The following ENAM variants were observed in gnomAD, a reference collection of about 807,000 sequenced individuals.
ENAM encodes amelogenesis imperfecta 2, hypocalcification (autosomal dominant).
In ENAM, 21 loss-of-function variants were observed where a neutral mutation model predicts 33.6. The observed-to-expected ratio is 0.63, with a 90% CI of 0.44 to 0.90. ENAM has a LOEUF of 0.90. Among genes scored for constraint, ENAM ranks in the 40% least tolerant of loss-of-function variants. ENAM has a pLI of 0.00. For missense variants in ENAM, 1,388 were observed against 1,366.9 expected (o/e 1.02, Z -0.24); for synonymous variants, 473 against 468.4 (o/e 1.01, Z -0.13).
intron 8 of ENAM, among the ~76,000 whole-genome samples, chr4:70,639,664 A>G (rs1738551089): frequency 6.6e-6 from 1 of 152,240 alleles, no homozygotes; most frequent in Admixed American, 6.5e-5. Flanking sequence ...ACACTTTGGG[A>G]GGCTGAGACA....
chr4:70,636,756 G>A (rs1371636144), intron 7 of ENAM, among the ~76,000 whole-genome samples: 6 of 149,496 alleles, frequency 4.0e-5, no homozygotes, highest in Admixed American at 6.6e-5. Context: ...GTGACAGAGC[G>A]AGACTCCGTC....
chr4:70,631,792 G>T, intron 3 of ENAM, 54 bp downstream of exon 3: 1 of 1,607,308 alleles, frequency 6.2e-7, no homozygotes, highest in Non-Finnish European at 8.5e-7. Context: ...AGGAACAATT[G>T]TTGAGCTTAT....
Position 70,642,138 on chromosome 4 carries a change from C to A in ENAM, c.712C>A (p.Pro238Thr), listed in dbSNP as rs868383509. 1 of 1,613,956 alleles carries A rather than the reference C, an allele frequency of 6.2e-7. No homozygotes were observed. The highest frequency in any genetic ancestry group is 1.3e-5 in the African/African-American group (1 of 74,912). Residue 238 changes from proline to threonine, a missense_variant, in exon 9 of 9, where the codon CCA (proline) becomes ACA (threonine). By Grantham distance (38) the Pro-to-Thr change is conservative (BLOSUM62 -1). Coordinates refer to ENST00000396073, the MANE Select transcript of ENAM (RefSeq NM_031889.3). Reference sequence around the variant, plus strand: ...AGAAGATCCTCCTAAAGCAGAAAGTCCAGGCACAGAACCCACAGCTAATTC... The same window carrying A: ...AGAAGATCCTCCTAAAGCAGAAAGTACAGGCACAGAACCCACAGCTAATTC... Reference protein sequence around the residue: ...KEEDPPKAESPGTEPTANSTV... With the variant: ...KEEDPPKAESTGTEPTANSTV...
chr4:70,637,933 C>A, intron 8 of ENAM, 90 bp downstream of exon 8: 1 of 987,766 alleles, frequency 1.0e-6, no homozygotes, highest in South Asian at 1.3e-5. Flanking sequence ...AAGTTAAAAT[C>A]CAACACATGA....
chr4:70,637,827 G>A lies in ENAM; in HGVS notation c.572G>A (p.Ser191Asn), dbSNP rs1738494702. The A allele has an allele frequency of 6.2e-7, 1 of 1,613,004 alleles. No homozygotes were observed. Among genetic ancestry groups the A allele is most frequent in the Non-Finnish European group, 8.5e-7 (1 of 1,179,128 alleles). ...PPPGYGRPPI[S>N]NEEGGNPYFG... Reference sequence around the variant, plus strand: ...CCAGGTTATGGACGCCCACCAATCAGCAATGAAGAAGGGGGGGTAAGTACA... The same window carrying A: ...CCAGGTTATGGACGCCCACCAATCAACAATGAAGAAGGGGGGGTAAGTACA... The change falls in exon 8 of 9, where the codon AGC (serine) becomes AAC (asparagine). Residue 191 changes from serine to asparagine, a missense_variant. Coordinates refer to ENST00000396073, the MANE Select transcript of ENAM (RefSeq NM_031889.3).
chr4:70,631,865 T>A lies in ENAM; in HGVS notation c.140T>A (p.Met47Lys). The change falls in exon 4 of 9, where the codon ATG becomes AAG. Residue 47 changes from methionine to lysine, a missense_variant. Physicochemically the swap from Met to Lys is moderately conservative, Grantham distance 95. Coordinates refer to ENST00000396073, the MANE Select transcript of ENAM (RefSeq NM_031889.3). The part of the protein sequence containing the change: ...SVAMPMHMPR[M>K]PGFSSKSEEM... ...TACTTCCAGATGCACATGCCCCGAA[T>A]GCCTGGATTTAGCAGTAAAAGTGAG... 1 of 1,614,114 alleles carries A rather than the reference T, an allele frequency of 6.2e-7. No homozygotes were observed. Among genetic ancestry groups the A allele is most frequent in the Non-Finnish European group, 8.5e-7 (1 of 1,179,964 alleles).
intron 6 of ENAM, among the ~76,000 whole-genome samples, chr4:70,634,795 A>G (rs1039992995): frequency 6.6e-6 from 1 of 152,256 alleles, no homozygotes; most frequent in Non-Finnish European, 1.5e-5. Flanking sequence ...CAGAGACAAC[A>G]TGGTGTAATA....
intron 4 of ENAM, 35 bp from the exon 5 acceptor site, chr4:70,632,616 C>A (rs768479417): frequency 6.7e-7 from 1 of 1,493,080 alleles, no homozygotes. Flanking sequence ...AAAAGTTTCA[C>A]TTTGTATCAC....
rs1738408151 is a variant in ENAM at position 70,634,698 on chromosome 4, T to C, written c.471+130T>C. On this transcript the variant is annotated intron_variant, in intron 6 of 8. Transcript: ENST00000396073. ...ATACCAATGTTTGTTTTGACATGCATCCAAAACTGCATGGCAAGTCGACTC... is the reference window on the plus strand; with the variant it reads ...ATACCAATGTTTGTTTTGACATGCACCCAAAACTGCATGGCAAGTCGACTC... 3 of 917,940 alleles carry C rather than the reference T, an allele frequency of 3.3e-6. 1 individual carries two copies. The highest frequency in any genetic ancestry group is 5.3e-6 in the Non-Finnish European group (3 of 564,526). The allele number at this position is 917,940 out of a possible 1,614,324, so 56.9% of individuals were successfully genotyped here. A position where few individuals can be genotyped will look rare whatever the true frequency, so the allele number is the denominator to read the frequency against.
intron 7 of ENAM, among the ~76,000 whole-genome samples, chr4:70,636,462 C>T (rs558068927): frequency 1.3e-5 from 2 of 152,032 alleles, no homozygotes; most frequent in Admixed American, 6.6e-5. Flanking sequence ...GGTGAAATCC[C>T]GTCTCTACTA....
At position 70,635,858 on chromosome 4, in the gene ENAM, A is replaced by G; in HGVS notation, c.498A>G (p.Leu166=). The change falls in exon 7 of 9, where the codon CTA becomes CTG. Residue 166 remains leucine, a synonymous_variant. Coordinates refer to ENST00000396073, the MANE Select transcript of ENAM (RefSeq NM_031889.3). ...CATTCCCACCATTTGGAAATGGGCTATTCCCCTATCAACAACCACCATGGC... is the reference window on the plus strand; with the variant it reads ...CATTCCCACCATTTGGAAATGGGCTGTTCCCCTATCAACAACCACCATGGC... ...PQAFPPFGNG[L]FPYQQPPWQI... The G allele has an allele frequency of 6.2e-7, 1 of 1,609,222 alleles. No homozygotes were observed.
chr4:70,637,717 C>T (rs1414205310), intron 7 of ENAM, 73 bp from the exon 8 acceptor site: 4 of 1,139,808 alleles, frequency 3.5e-6, no homozygotes, highest in Middle Eastern at 1.9e-4. Context: ...TTTTAGACAC[C>T]CTGAGTCTTA....
At position 70,635,907 on chromosome 4, in the gene ENAM, T is replaced by A. The variant is rs750422355; in HGVS notation, c.534+13T>A. The A allele has an allele frequency of 6.5e-7, 1 of 1,529,264 alleles. No homozygotes were observed. The allele number at this position is 1,529,264 out of a possible 1,614,324, so 94.7% of individuals were successfully genotyped here. ...GCAAATTCCACAGGTGAGAAATTTT[T>A]TTTTCTTTACACTGTAAGTGAAAAA... On this transcript the variant is annotated intron_variant, in intron 7 of 8. Transcript: ENST00000396073.
chr4:70,641,349 T>TTTTC (rs1451588654), intron 8 of ENAM, among the ~76,000 whole-genome samples: 1 of 151,926 alleles, frequency 6.6e-6, no homozygotes. Context: ...TAGAATTCTT[T>TTTTC]TTTCTTTCTT....
chr4:70,629,321 T>C, intron 1 of ENAM, 120 bp from the exon 2 acceptor site: 1 of 625,626 alleles, frequency 1.6e-6, no homozygotes, highest in Admixed American at 2.8e-5. Flanking sequence ...AAGATTAAAC[T>C]TGATTTTGTG....
At chr4:70,639,984 A>G (rs1167145700) in intron 8 of ENAM, among the ~76,000 whole-genome samples, 1 of 152,212 alleles carries the variant, frequency 6.6e-6, no homozygotes, top group Non-Finnish European at 1.5e-5. Context: ...TCTCATCTCC[A>G]TCCACAAATG....
At position 70,632,674 on chromosome 4, in the gene ENAM, C is replaced by A. The variant is rs745570579; in HGVS notation, c.192C>A (p.Asn64Lys). ...AGATGATGCGGTATAATCAATTCAA[C>A]TTTATGAACGGCCCACATGTAAGTT... ...SEEMMRYNQF[N>K]FMNGPHMAHL... The change falls in exon 5 of 9, where the codon AAC (asparagine) becomes AAA (lysine). Residue 64 changes from asparagine to lysine, a missense_variant. Transcript: ENST00000396073. 28 of 1,603,890 alleles carry A rather than the reference C, an allele frequency of 1.7e-5. No homozygotes were observed. The highest frequency in any genetic ancestry group is 2.0e-5 in the Non-Finnish European group (24 of 1,171,044).
At position 70,644,787 on chromosome 4, in the gene ENAM, T is replaced by A. The variant is rs541159378; in HGVS notation, c.3361T>A (p.Phe1121Ile). The change falls in exon 9 of 9, where the codon TTT (phenylalanine) becomes ATT (isoleucine). Residue 1121 changes from phenylalanine (F) to isoleucine (I), a missense_variant. By Grantham distance (21) the Phe-to-Ile change is conservative. Coordinates refer to ENST00000396073, the MANE Select transcript of ENAM (RefSeq NM_031889.3). ...ACTTGATGCAGATGAACACAGTCCA[T>A]TTGAATTCCTTCAAAGAGGGACCAA... ...DPLDADEHSP[F>I]EFLQRGTNVQ... The A allele has an allele frequency of 6.2e-7, 1 of 1,614,126 alleles. No homozygotes were observed. Among genetic ancestry groups the A allele is most frequent in the African/African-American group, 1.3e-5 (1 of 75,044 alleles).
In ENAM at chr4:70,642,751, G is replaced by C; in HGVS notation, c.1325G>C (p.Gly442Ala). ...KIQNPKEKPL[G>A]PKEQIIVPTK... ...CAAAATCCAAAGGAGAAGCCCCTGG[G>C]TCCAAAAGAACAAATAATAGTTCCT... Residue 442 changes from glycine to alanine, a missense_variant, in exon 9 of 9, where the codon GGT (glycine) becomes GCT (alanine). By Grantham distance (60) the Gly-to-Ala change is moderately conservative. Transcript: ENST00000396073. 6.2e-7 allele frequency: 1 copy of C among 1,610,256 alleles called. No individual in the cohort carries two copies. The highest frequency in any genetic ancestry group is 8.5e-7 in the Non-Finnish European group (1 of 1,178,800).
Sources: allele counts gnomAD v4.1 joint callset (sites outside exome capture counted in the v4.1 genomes callset), GRCh38; gene constraint gnomAD v4.1.1; transcripts MANE v1.5; gene names NCBI Gene and HGNC (gene_info 2026-07-23, HGNC 2026-07-21).